CACNA1B: variants seen among roughly 807,000 people sequenced by gnomAD.
CACNA1B encodes the protein calcium voltage-gated channel subunit alpha1 B.
In CACNA1B, 70 loss-of-function variants were observed where a neutral mutation model predicts 247.2. That is an observed-to-expected ratio of 0.28 (90% CI 0.23 to 0.35). The LOEUF is 0.35. CACNA1B is among the 10% of genes least tolerant of loss of function. The pLI, the probability that CACNA1B is intolerant of heterozygous loss-of-function variation, is 1.00. For synonymous variants in CACNA1B, 1,231 were observed against 1,294.4 expected, an observed-to-expected ratio of 0.95 and a Z score of 1.05; for missense variants, 2,367 against 3,197.4, an observed-to-expected ratio of 0.74 and a Z score of 6.26.
intron 39 of CACNA1B, among the ~76,000 whole-genome samples, chr9:138,106,611 T>TA (rs1447189456): frequency 5.9e-5 from 9 of 152,026 alleles, no homozygotes; most frequent in Admixed American, 5.9e-4. Flanking sequence ...CTACTAAAAA[T>TA]ACAAAAATTA....
In CACNA1B at chr9:138,122,334, G is replaced by C. The variant is rs1962131085; in HGVS notation, c.*335G>C. The C allele has an allele frequency of 2.7e-6, 1 of 367,004 alleles. No homozygotes were observed. Among genetic ancestry groups the C allele is most frequent in the Non-Finnish European group, 5.0e-6 (1 of 199,712 alleles). 22.7% of individuals were successfully genotyped at this position (367,004 alleles called of 1,614,324 possible). Reference sequence around the variant, plus strand: ...GACTCAGCATCCAGCATGGGTGCTTGGAGCCGTTGTGAGGAGCTCTGCGTC... The same window carrying C: ...GACTCAGCATCCAGCATGGGTGCTTCGAGCCGTTGTGAGGAGCTCTGCGTC... On this transcript the variant is annotated 3_prime_UTR_variant, in exon 47 of 47. Transcript: ENST00000371372.
Position 138,120,168 on chromosome 9 carries a change from G to C in CACNA1B, c.6034G>C (p.Val2012Leu). The C allele has an allele frequency of 6.3e-7, 1 of 1,599,572 alleles. No homozygotes were observed. Among genetic ancestry groups the C allele is most frequent in the East Asian group, 2.3e-5 (1 of 43,788 alleles). The change falls in exon 45 of 47, where the codon GTC becomes CTC. Residue 2012 changes from valine (V) to leucine (L), a missense_variant. Coordinates refer to ENST00000371372, the MANE Select transcript of CACNA1B (RefSeq NM_000718.4). The part of the protein sequence containing the change: ...MPRLAAETQP[V>L]TDASPMKRSI... ...ACTCTCAGTCCTTTGCCCACAGCCC[G>C]TCACAGATGCCAGCCCCATGAAGCG...
intron 3 of CACNA1B, among the ~76,000 whole-genome samples, chr9:137,901,665 C>T (rs1274170714): frequency 1.3e-5 from 2 of 149,194 alleles, no homozygotes; most frequent in Non-Finnish European, 3.0e-5. Flanking sequence ...GTTCTGTGTA[C>T]ATCATTAGGG....
chr9:137,900,527 G>A (rs1406448702), intron 3 of CACNA1B, among the ~76,000 whole-genome samples: 3 of 149,206 alleles, frequency 2.0e-5, no homozygotes, highest in Admixed American at 6.7e-5. Flanking sequence ...CTCTGTGTCC[G>A]TGTGTCCATG....
chr9:138,080,494 C>T (rs1960490975), intron 36 of CACNA1B, among the ~76,000 whole-genome samples: 1 of 152,054 alleles, frequency 6.6e-6, no homozygotes, highest in African/African-American at 2.4e-5. Context: ...TGTTGATAAG[C>T]ATGTTTAGTG....
intron 18 of CACNA1B, among the ~76,000 whole-genome samples, chr9:138,013,548 T>G (rs116677875): frequency 1.3e-5 from 2 of 152,090 alleles, no homozygotes; most frequent in Non-Finnish European, 2.9e-5. Context: ...TGTGAATCAG[T>G]TGGGGGAGGG....
intron 3 of CACNA1B, among the ~76,000 whole-genome samples, chr9:137,884,082 G>A (rs574126410): frequency 1.8e-3 from 277 of 152,126 alleles, no homozygotes; most frequent in Non-Finnish European, 3.2e-3. Flanking sequence ...CCTGGATCCC[G>A]GGGTGCTGCC....
At position 138,047,490 on chromosome 9, in the gene CACNA1B, T is replaced by G. The variant is rs1046255497; in HGVS notation, c.3603+32T>G. 10 of 1,505,024 alleles carry G rather than the reference T, an allele frequency of 6.6e-6. 1 individual carries two copies. Among genetic ancestry groups the G allele is most frequent in the Non-Finnish European group, 8.3e-6 (9 of 1,080,696 alleles). The allele number at this position is 1,505,024 out of a possible 1,614,324, so 93.2% of individuals were successfully genotyped here. ...TATGTGGCTGCCCTTGTGACCCCAG[T>G]GTTTTGCTCTCCCTCCCTCATGATT... is the stretch of plus-strand genomic sequence containing the variant. On this transcript the variant is annotated intron_variant, in intron 23 of 46. Transcript: ENST00000371372.
rs564599786 is a variant in CACNA1B at position 138,045,631 on chromosome 9, T to C, written c.3414-1273T>C. Among the ~76,000 whole-genome samples, 3 of 152,238 alleles carry C rather than the reference T, an allele frequency of 2.0e-5. No individual in the cohort carries two copies. The East Asian group carries it at 5.8e-4, about 29-fold the overall frequency. ...CAGACCCTGCAAAGCCTGGGGTGGC[T>C]GGGGATGTCTCATGGCCAGGTGGAC... On this transcript the variant is annotated intron_variant, in intron 21 of 46. Transcript: ENST00000371372.
chr9:137,960,334 G>A (rs530650854), intron 10 of CACNA1B, among the ~76,000 whole-genome samples: 349 of 148,970 alleles, frequency 2.3e-3, no homozygotes, highest in Non-Finnish European at 4.3e-3. Flanking sequence ...GGCGAGGTAG[G>A]GGAGCGGGAA....
At chr9:137,975,801 G>A in intron 11 of CACNA1B, 106 bp from the exon 12 acceptor site, 1 of 727,294 alleles carries the variant, frequency 1.4e-6, no homozygotes, top group Non-Finnish European at 2.5e-6. Context: ...AGGCCTGGAA[G>A]GCTCAGCCCT....
chr9:137,953,799 G>A (rs1161913101), intron 7 of CACNA1B, among the ~76,000 whole-genome samples: 1 of 152,142 alleles, frequency 6.6e-6, no homozygotes, highest in African/African-American at 2.4e-5. Context: ...GGAGTCAGAG[G>A]GTGTTGTGGG....
At chr9:138,098,268 G>A (rs1412571764) in intron 37 of CACNA1B, among the ~76,000 whole-genome samples, 2 of 152,200 alleles carry the variant, frequency 1.3e-5, no homozygotes, top group Non-Finnish European at 2.9e-5. Context: ...CACAGGACCT[G>A]TGGTCAAGTA....
At chr9:138,056,578 G>A (rs1182425671) in intron 26 of CACNA1B, among the ~76,000 whole-genome samples, 1 of 152,180 alleles carries the variant, frequency 6.6e-6, no homozygotes, top group Non-Finnish European at 1.5e-5. Context: ...CTTCTCATGG[G>A]TGTGTACCTA....
At chr9:138,046,513 G>T (rs552767085) in intron 21 of CACNA1B, among the ~76,000 whole-genome samples, 4 of 152,354 alleles carry the variant, frequency 2.6e-5, no homozygotes, top group African/African-American at 7.2e-5. Flanking sequence ...TCTGTGAAAG[G>T]GCTGGGTAGT....
rs1313145037 is a variant in CACNA1B at position 138,052,625 on chromosome 9, C to T, written c.3807+437C>T. Among the ~76,000 whole-genome samples, 5 of 152,340 alleles carry T rather than the reference C, an allele frequency of 3.3e-5. No homozygotes were observed. Among genetic ancestry groups the T allele is most frequent in the Non-Finnish European group, 7.4e-5 (5 of 68,026 alleles). ...GAAACCTAGTAATTGTGAGCTTGTG[C>T]TAGGCCCTGTGCGAATTGCTTCATG... On this transcript the variant is annotated intron_variant, in intron 25 of 46. Transcript: ENST00000371372. The surrounding 1 kb of genome is among the most constrained non-coding windows in gnomAD (Gnocchi z 5.1).
chr9:137,962,770 T>C (rs1301098017), intron 10 of CACNA1B, among the ~76,000 whole-genome samples: 3 of 152,220 alleles, frequency 2.0e-5, no homozygotes, highest in Non-Finnish European at 2.9e-5. Flanking sequence ...TTCAGTTCTT[T>C]TGCATTTGCT....
Position 138,007,726 on chromosome 9 carries a change from C to T in CACNA1B, c.2092+842C>T, listed in dbSNP as rs1958670918. The stretch of plus-strand genomic sequence containing the variant: ...AGCCCGTGTTTCTGTTCTGGGGACC[C>T]CACTTTGAGAACTGCTGTGACAGAA... On this transcript the variant is annotated intron_variant, in intron 16 of 46. Coordinates refer to ENST00000371372, the MANE Select transcript of CACNA1B (RefSeq NM_000718.4). This position sits in a 1 kb window ranked among gnomAD's most constrained non-coding sequence, Gnocchi z 4.1. 6.6e-6 allele frequency among the ~76,000 whole-genome samples: 1 copy of T among 152,118 alleles called. No homozygotes were observed. Among genetic ancestry groups the T allele is most frequent in the Admixed American group, 6.5e-5 (1 of 15,282 alleles).
intron 18 of CACNA1B, among the ~76,000 whole-genome samples, chr9:138,019,706 G>A (rs1026244859): frequency 5.9e-5 from 9 of 152,168 alleles, no homozygotes; most frequent in African/African-American, 2.2e-4. Context: ...GTCTTTCCAC[G>A]AGCACTGTTT....
Sources: allele counts gnomAD v4.1 joint callset (sites outside exome capture counted in the v4.1 genomes callset), GRCh38; gene constraint gnomAD v4.1.1; non-coding constraint Gnocchi (gnomAD v3.1); transcripts MANE v1.5; gene names NCBI Gene and HGNC (gene_info 2026-07-23, HGNC 2026-07-21).